The following ATG5 variants were observed in gnomAD, a reference collection of about 807,000 sequenced individuals.
ATG5 encodes the protein autophagy related 5.
In ATG5, 14 loss-of-function variants were observed where a neutral mutation model predicts 36.5. The observed-to-expected ratio is 0.38, with a 90% CI of 0.25 to 0.60. The LOEUF is 0.60. Among genes scored for constraint, ATG5 ranks in the 20% least tolerant of loss-of-function variants. The pLI is 0.60. For missense variants in ATG5, 195 were observed against 326.7 expected, an observed-to-expected ratio of 0.60 and a Z score of 3.11; for synonymous variants, 95 against 101.5, an observed-to-expected ratio of 0.94 and a Z score of 0.38.
intron 6 of ATG5, among the ~76,000 whole-genome samples, chr6:106,247,405 C>T (rs1396056113): frequency 6.6e-6 from 1 of 152,194 alleles, no homozygotes; most frequent in East Asian, 1.9e-4. Flanking sequence ...TTACCTCATG[C>T]AAATATGCTG....
intron 1 of ATG5, among the ~76,000 whole-genome samples, chr6:106,323,512 T>C (rs1247716856): frequency 6.6e-6 from 1 of 152,030 alleles, no homozygotes; most frequent in Non-Finnish European, 1.5e-5. Context: ...AAGATGGTAT[T>C]ACAAGCATGA....
At chr6:106,259,472 C>T (rs1419558211) in intron 5 of ATG5, among the ~76,000 whole-genome samples, 1 of 152,144 alleles carries the variant, frequency 6.6e-6, no homozygotes, top group Non-Finnish European at 1.5e-5. Context: ...CTACTGAGTA[C>T]TAACACCTGA....
intron 6 of ATG5, among the ~76,000 whole-genome samples, chr6:106,221,596 G>A (rs955123856): frequency 6.7e-6 from 1 of 149,192 alleles, no homozygotes; most frequent in African/African-American, 2.5e-5. Flanking sequence ...TGAGGGAGGA[G>A]AATCACCAGG....
intron 6 of ATG5, among the ~76,000 whole-genome samples, chr6:106,203,890 T>C (rs1304220821): frequency 2.0e-5 from 3 of 152,160 alleles, no homozygotes; most frequent in Non-Finnish European, 4.4e-5. Context: ...CCTCAACATA[T>C]TTGACACAAC....
chr6:106,325,620 C>T lies in ATG5; in HGVS notation c.-153G>A, dbSNP rs185971542. 4.0e-3 allele frequency: 608 copies of T among 152,984 alleles called. 3 individuals carry two copies. The highest frequency in any genetic ancestry group is 0.014 in the Middle Eastern group (4 of 294). The allele number at this position is 152,984 out of a possible 1,614,324, so 9.5% of individuals were successfully genotyped here. A position where few individuals can be genotyped will look rare whatever the true frequency, so the allele number is the denominator to read the frequency against. On this transcript the variant is annotated 5_prime_UTR_variant, in exon 1 of 8. Transcript: ENST00000369076. ...GTGGGGCGGCGGGGCAAGCTGCCCGCCTGACACACTGTCCTGCGGGGACGC... is the reference window on the plus strand; with the variant it reads ...GTGGGGCGGCGGGGCAAGCTGCCCGTCTGACACACTGTCCTGCGGGGACGC...
At chr6:106,193,034 C>T (rs886305692) in intron 7 of ATG5, among the ~76,000 whole-genome samples, 8 of 152,156 alleles carry the variant, frequency 5.3e-5, no homozygotes, top group African/African-American at 1.9e-4. Flanking sequence ...CAAAGAAATA[C>T]ATCAAACGCT....
At position 106,292,312 on chromosome 6, in the gene ATG5, C is replaced by G. The variant is rs138844524; in HGVS notation, c.315+716G>C. Reference sequence around the variant, plus strand: ...ATATAAGTGTTTCCAATCACAAAAACCAAATGGTGTTTGTGAATTGGGGGA... The same window carrying G: ...ATATAAGTGTTTCCAATCACAAAAAGCAAATGGTGTTTGTGAATTGGGGGA... On this transcript the variant is annotated intron_variant, in intron 4 of 7. Transcript: ENST00000369076. Among the ~76,000 whole-genome samples the G allele has an allele frequency of 2.1e-3, 325 of 152,280 alleles. 1 individual carries two copies. Among genetic ancestry groups the G allele is most frequent in the African/African-American group, 7.6e-3 (314 of 41,554 alleles).
chr6:106,273,340 A>C (rs1191483844), intron 5 of ATG5, among the ~76,000 whole-genome samples: 1 of 152,228 alleles, frequency 6.6e-6, no homozygotes, highest in African/African-American at 2.4e-5. Context: ...ATTTCTGGAA[A>C]GTTATCTATT....
intron 6 of ATG5, among the ~76,000 whole-genome samples, chr6:106,224,981 A>G (rs1777397905): frequency 6.6e-6 from 1 of 152,224 alleles, no homozygotes; most frequent in African/African-American, 2.4e-5. Flanking sequence ...AAACAAAAGA[A>G]TACAGGAGGC....
chr6:106,316,252 T>C lies in ATG5; in HGVS notation c.-44A>G. The C allele has an allele frequency of 2.0e-6, 3 of 1,483,030 alleles. No homozygotes were observed. The highest frequency in any genetic ancestry group is 2.8e-6 in the Non-Finnish European group (3 of 1,067,694). 91.9% of individuals were successfully genotyped at this position (1,483,030 alleles called of 1,614,324 possible). ...AGTACATACAGGCTAAATTCTTATTTCAACCAAAGCCAAACTGAAAATAAA... is the reference window on the plus strand; with the variant it reads ...AGTACATACAGGCTAAATTCTTATTCCAACCAAAGCCAAACTGAAAATAAA... On this transcript the variant is annotated 5_prime_UTR_variant, in exon 2 of 8. Transcript: ENST00000369076.
intron 5 of ATG5, among the ~76,000 whole-genome samples, chr6:106,262,998 A>G (rs1180487518): frequency 6.6e-6 from 1 of 152,178 alleles, no homozygotes. Flanking sequence ...AGACAGAACC[A>G]TTCATTCCCC....
intron 6 of ATG5, among the ~76,000 whole-genome samples, chr6:106,234,549 T>C (rs754759161): frequency 2.0e-5 from 3 of 152,216 alleles, no homozygotes; most frequent in African/African-American, 4.8e-5. Flanking sequence ...CCCACACGAA[T>C]AGTCTGCCTA....
At position 106,288,735 on chromosome 6, in the gene ATG5, G is replaced by A. The variant is rs577899739; in HGVS notation, c.315+4293C>T. ...CTGCAGAATCAGAAACTGCACTTTA[G>A]TAAGAGACACAGGTAACTTGAAAGC... On this transcript the variant is annotated intron_variant, in intron 4 of 7. Coordinates refer to ENST00000369076, the MANE Select transcript of ATG5 (RefSeq NM_004849.4). 2.6e-5 allele frequency among the ~76,000 whole-genome samples: 4 copies of A among 152,276 alleles called. No individual in the cohort carries two copies. The East Asian group carries it at 7.7e-4, about 29-fold the overall frequency.
At chr6:106,237,499 G>A (rs975979905) in intron 6 of ATG5, among the ~76,000 whole-genome samples, 5 of 152,094 alleles carry the variant, frequency 3.3e-5, no homozygotes, top group African/African-American at 1.2e-4. Flanking sequence ...CCTTTGTCTG[G>A]TCATTGACCT....
chr6:106,239,438 A>G (rs1778024171), intron 6 of ATG5, among the ~76,000 whole-genome samples: 1 of 152,228 alleles, frequency 6.6e-6, no homozygotes, highest in Non-Finnish European at 1.5e-5. Context: ...ATGTATTTCC[A>G]TCTCTAATCA....
intron 6 of ATG5, among the ~76,000 whole-genome samples, chr6:106,230,228 C>T (rs1777622599): frequency 6.6e-6 from 1 of 151,986 alleles, no homozygotes; most frequent in Admixed American, 6.5e-5. Context: ...CAAGCCTTAA[C>T]GTACTTACCG....
chr6:106,225,122 A>G (rs1307894579), intron 6 of ATG5, among the ~76,000 whole-genome samples: 2 of 152,240 alleles, frequency 1.3e-5, no homozygotes, highest in African/African-American at 4.8e-5. Context: ...ATAGTTTATT[A>G]AAGGTATTAC....
chr6:106,260,232 A>G (rs1313355958), intron 5 of ATG5, among the ~76,000 whole-genome samples: 3 of 152,240 alleles, frequency 2.0e-5, no homozygotes, highest in Admixed American at 6.5e-5. Context: ...CGTTGTGCAC[A>G]TGTACCCTAG....
At chr6:106,230,023 A>G (rs540034366) in intron 6 of ATG5, among the ~76,000 whole-genome samples, 1 of 152,206 alleles carries the variant, frequency 6.6e-6, no homozygotes, top group Non-Finnish European at 1.5e-5. Context: ...TTAAATCTTA[A>G]TTACCATACA....
Sources: allele counts gnomAD v4.1 joint callset (sites outside exome capture counted in the v4.1 genomes callset), GRCh38; gene constraint gnomAD v4.1.1; transcripts MANE v1.5; gene names NCBI Gene and HGNC (gene_info 2026-07-23, HGNC 2026-07-21).